FAM184B: variants seen among roughly 807,000 people sequenced by gnomAD.
FAM184B encodes family with sequence similarity 184 member B, also known as protein FAM184B.
Under a neutral mutation model 135.9 loss-of-function variants are expected in FAM184B, and 111 were observed. The observed-to-expected ratio is 0.82, with a 90% confidence interval of 0.70 to 0.96. FAM184B has a LOEUF of 0.96. Ranked by LOEUF, FAM184B falls within the 40% of genes least tolerant of loss-of-function variation. The pLI is 0.00. For synonymous variants in FAM184B, 552 were observed against 524.8 expected (o/e 1.05, Z -0.71); for missense variants, 1,375 against 1,323.9 (o/e 1.04, Z -0.60).
At chr4:17,647,104 A>T (rs1177349481) in intron 12 of FAM184B, among the ~76,000 whole-genome samples, 3 of 150,976 alleles carry the variant, frequency 2.0e-5, no homozygotes, top group Non-Finnish European at 1.5e-5. Flanking sequence ...CTGAATTATA[A>T]ATAACATGCA....
At chr4:17,637,263 G>A (rs1273029199) in intron 14 of FAM184B, among the ~76,000 whole-genome samples, 5 of 152,164 alleles carry the variant, frequency 3.3e-5, no homozygotes, top group African/African-American at 1.2e-4. Context: ...TCCTGACCTC[G>A]TGATCCGCCC....
rs531816962 is a variant in FAM184B at position 17,660,490 on chromosome 4, C to T, written c.1695-403G>A. ...GCAGCTTTTTCTGCATCTATAAAAA[C>T]GACAACAACACTTCACTTTAATACA... On this transcript the variant is annotated intron_variant, in intron 8 of 17. Coordinates refer to ENST00000265018, the MANE Select transcript of FAM184B (RefSeq NM_015688.2). Among the ~76,000 whole-genome samples the T allele has an allele frequency of 2.0e-4, 31 of 152,152 alleles. 1 individual carries two copies. The South Asian group carries it at 3.5e-3, about 17-fold the overall frequency.
intron 10 of FAM184B, among the ~76,000 whole-genome samples, chr4:17,653,739 A>G (rs1420904387): frequency 6.6e-6 from 1 of 151,750 alleles, no homozygotes; most frequent in African/African-American, 2.4e-5. Context: ...TAAGATGTCC[A>G]TGTCTGAAAA....
chr4:17,743,546 C>T (rs768879460), intron 1 of FAM184B, among the ~76,000 whole-genome samples: 5 of 152,160 alleles, frequency 3.3e-5, no homozygotes, highest in Admixed American at 1.3e-4. Flanking sequence ...TTCACTCCTG[C>T]GGTGATCTTC....
chr4:17,738,744 C>T (rs1326821477), intron 1 of FAM184B, among the ~76,000 whole-genome samples: 1 of 152,086 alleles, frequency 6.6e-6, no homozygotes, highest in African/African-American at 2.4e-5. Flanking sequence ...GAGGTGGGGC[C>T]TAATGGGGGT....
intron 1 of FAM184B, among the ~76,000 whole-genome samples, chr4:17,729,883 T>C (rs568132863): frequency 7.9e-5 from 12 of 152,256 alleles, no homozygotes; most frequent in African/African-American, 2.9e-4. Flanking sequence ...GGAATGCAGC[T>C]CCTCACCAGC....
chr4:17,757,390 T>G (rs550781810), intron 1 of FAM184B, among the ~76,000 whole-genome samples: 4 of 152,168 alleles, frequency 2.6e-5, no homozygotes, highest in Non-Finnish European at 5.9e-5. Context: ...GTAAAACTTT[T>G]ATGAGACAGA....
In FAM184B at chr4:17,693,341, T is replaced by C; in HGVS notation, c.1449A>G (p.Lys483=). 6.4e-7 allele frequency: 1 copy of C among 1,551,712 alleles called. No homozygotes were observed. The highest frequency in any genetic ancestry group is 2.4e-5 in the East Asian group (1 of 40,926). The change falls in exon 6 of 18, where the codon AAA becomes AAG. Residue 483 remains lysine, a synonymous_variant. Coordinates refer to ENST00000265018, the MANE Select transcript of FAM184B (RefSeq NM_015688.2). ...TCTGAAGCTTCACATTGAGGGCTGC[T>C]TTCTCTTCTTCCAGCTGCTTTATCT... ...EKEIKQLEEE[K]AALNVKLQNS... is the part of the protein sequence containing the mutation.
At chr4:17,726,948 G>C (rs1717656512) in intron 1 of FAM184B, among the ~76,000 whole-genome samples, 1 of 152,272 alleles carries the variant, frequency 6.6e-6, no homozygotes, top group Non-Finnish European at 1.5e-5. Context: ...GCTAATTTCA[G>C]GTTGCATGGG....
At chr4:17,633,557 A>G in intron 17 of FAM184B, 132 bp downstream of exon 17, 1 of 800,708 alleles carries the variant, frequency 1.2e-6, no homozygotes, top group Non-Finnish European at 1.9e-6. Flanking sequence ...TAAGTGATTC[A>G]GTGTCCCTTG....
At chr4:17,687,626 T>G (rs1170522236) in intron 7 of FAM184B, among the ~76,000 whole-genome samples, 1 of 152,002 alleles carries the variant, frequency 6.6e-6, no homozygotes, top group Non-Finnish European at 1.5e-5. Context: ...ACTGGTGTCT[T>G]TATAAGAAGG....
rs1294216625 is a variant in FAM184B at position 17,658,355 on chromosome 4, G to T, written c.2032C>A (p.Leu678Ile). ...CGGCACAGTCATTCCCTCACCTTGA[G>T]TTCCTGATGTCTGGCCTTCTCCAGC... ...RMLEKARHQE[L>I]KATEERLKKE... Residue 678 changes from leucine to isoleucine, a missense_variant, in exon 10 of 18, where the codon CTC becomes ATC. Transcript: ENST00000265018. The T allele has an allele frequency of 5.2e-6, 8 of 1,551,480 alleles. No individual in the cohort carries two copies. The highest frequency in any genetic ancestry group is 1.7e-4 in the Middle Eastern group (1 of 6,014).
intron 1 of FAM184B, among the ~76,000 whole-genome samples, chr4:17,717,139 G>A (rs956308096): frequency 6.6e-6 from 1 of 152,068 alleles, no homozygotes; most frequent in African/African-American, 2.4e-5. Context: ...ATGTGCTCAA[G>A]TTATTTCATC....
chr4:17,730,941 C>T (rs1181900007), intron 1 of FAM184B, among the ~76,000 whole-genome samples: 1 of 152,114 alleles, frequency 6.6e-6, no homozygotes, highest in African/African-American at 2.4e-5. Flanking sequence ...GTGAAGAATG[C>T]AGAAGCCCCA....
At chr4:17,656,905 A>G (rs1715789030) in intron 10 of FAM184B, among the ~76,000 whole-genome samples, 1 of 152,138 alleles carries the variant, frequency 6.6e-6, no homozygotes, top group Non-Finnish European at 1.5e-5. Context: ...CAATGTTTCC[A>G]GTCTACTGTA....
At chr4:17,742,765 A>T (rs1560190877) in intron 1 of FAM184B, among the ~76,000 whole-genome samples, 1 of 152,182 alleles carries the variant, frequency 6.6e-6, no homozygotes, top group Non-Finnish European at 1.5e-5. Flanking sequence ...TCACTCAATA[A>T]AGTCTTCCAC....
At chr4:17,639,588 G>A (rs1360945717) in intron 13 of FAM184B, among the ~76,000 whole-genome samples, 192 bp from the exon 14 acceptor site, 1 of 152,162 alleles carries the variant, frequency 6.6e-6, no homozygotes, top group African/African-American at 2.4e-5. Context: ...CCCCCACTAT[G>A]GGACCCCTTC....
chr4:17,720,580 C>A (rs939445740), intron 1 of FAM184B, among the ~76,000 whole-genome samples: 1 of 151,952 alleles, frequency 6.6e-6, no homozygotes. Flanking sequence ...AAACAGTATG[C>A]TGGTTTCTCA....
intron 1 of FAM184B, among the ~76,000 whole-genome samples, chr4:17,713,999 G>T (rs1254541009): frequency 6.6e-6 from 1 of 152,162 alleles, no homozygotes; most frequent in Non-Finnish European, 1.5e-5. Flanking sequence ...AGACTTCCCA[G>T]AAAAAGTGGG....
Sources: allele counts gnomAD v4.1 joint callset (sites outside exome capture counted in the v4.1 genomes callset), GRCh38; gene constraint gnomAD v4.1.1; transcripts MANE v1.5; gene names NCBI Gene and HGNC (gene_info 2026-07-23, HGNC 2026-07-21).